Variants in SDK1 observed in about 807,000 individuals in gnomAD.
The protein encoded by SDK1 is sidekick cell adhesion molecule 1.
A neutral mutation model predicts 245.5 loss-of-function variants in SDK1; 157 were observed. The observed-to-expected ratio is 0.64, with a 90% CI of 0.56 to 0.73. SDK1 has a LOEUF of 0.73. Among genes scored for constraint, SDK1 ranks in the 30% least tolerant of loss-of-function variants. The pLI is 0.00. For missense variants in SDK1, 3,583 were observed against 3,002.3 expected, an observed-to-expected ratio of 1.19 and a Z score of -4.52; for synonymous variants, 1,647 against 1,278.5, an observed-to-expected ratio of 1.29 and a Z score of -6.15.
chr7:3,861,808 G>GA (rs919668942), intron 5 of SDK1, among the ~76,000 whole-genome samples: 1 of 152,014 alleles, frequency 6.6e-6, no homozygotes, highest in Non-Finnish European at 1.5e-5. Flanking sequence ...AACCTAAGTT[G>GA]AAAAAAGAAA....
intron 1 of SDK1, among the ~76,000 whole-genome samples, chr7:3,591,475 T>C (rs1780873220): frequency 6.6e-6 from 1 of 152,288 alleles, no homozygotes; most frequent in Non-Finnish European, 1.5e-5. Context: ...GTTTCGGCTT[T>C]GGCCACGTTG....
At chr7:3,757,844 C>G (rs554922598) in intron 4 of SDK1, among the ~76,000 whole-genome samples, 1 of 152,250 alleles carries the variant, frequency 6.6e-6, no homozygotes, top group South Asian at 2.1e-4. Context: ...GGGAGTGGGG[C>G]TGAAAGTTCC....
At chr7:4,227,387 A>C in intron 40 of SDK1, 1 of 471,110 alleles carries the variant, frequency 2.1e-6, no homozygotes, top group Non-Finnish European at 4.4e-6. Context: ...CATGCAATGC[A>C]TTTTGCCTCC....
At chr7:3,972,190 C>T (rs1290240369) in intron 12 of SDK1, among the ~76,000 whole-genome samples, 1 of 151,590 alleles carries the variant, frequency 6.6e-6, no homozygotes, top group East Asian at 1.9e-4. Flanking sequence ...CACCATTGTC[C>T]TGCCTCAGCC....
At chr7:3,431,564 ATTGTAC>A (rs1291463459) in intron 1 of SDK1, among the ~76,000 whole-genome samples, 1 of 152,078 alleles carries the variant, frequency 6.6e-6, no homozygotes, top group East Asian at 1.9e-4. Context: ...TTTTTTTAGT[ATTGTAC>A]TTGTAAAGAC....
intron 1 of SDK1, among the ~76,000 whole-genome samples, chr7:3,477,605 CTTGGGCTTAAGGGATTCT>C (rs1781388416): frequency 6.6e-6 from 1 of 151,418 alleles, no homozygotes; most frequent in African/African-American, 2.4e-5. Flanking sequence ...ACCTCAAACT[CTTGGGCTTAAGGGATTCT>C]CCTGCCTCAG....
intron 1 of SDK1, among the ~76,000 whole-genome samples, chr7:3,418,576 G>T (rs554394108): frequency 2.5e-4 from 38 of 152,084 alleles, no homozygotes; most frequent in Non-Finnish European, 3.8e-4. Context: ...TTGAAACATA[G>T]CCTTAAATGA....
At chr7:4,257,456 TA>T (rs1787704874) in intron 44 of SDK1, among the ~76,000 whole-genome samples, 1 of 152,056 alleles carries the variant, frequency 6.6e-6, no homozygotes, top group Non-Finnish European at 1.5e-5. Context: ...ACATCCCCAT[TA>T]AAAAATAATA....
chr7:3,443,803 G>T (rs971029603), intron 1 of SDK1, among the ~76,000 whole-genome samples: 3 of 152,164 alleles, frequency 2.0e-5, no homozygotes, highest in African/African-American at 7.2e-5. Context: ...TCTTATAAAT[G>T]TATTGTCATC....
At chr7:3,975,869 T>TGCGGGGGTCCTGGTGCTG (rs1782890848) in intron 13 of SDK1, among the ~76,000 whole-genome samples, 1 of 151,870 alleles carries the variant, frequency 6.6e-6, no homozygotes. Context: ...GCGGCAGTGG[T>TGCGGGGGTCCTGGTGCTG]GCGGGGGTCC....
At chr7:3,675,563 G>C (rs200599501) in intron 4 of SDK1, among the ~76,000 whole-genome samples, 1 of 13,424 alleles carries the variant, frequency 7.4e-5, no homozygotes, top group Admixed American at 7.0e-4. Context: ...ACTCCTTTTT[G>C]TTTGTTTGTT....
chr7:3,548,467 G>C (rs1041414940), intron 1 of SDK1, among the ~76,000 whole-genome samples: 7 of 152,144 alleles, frequency 4.6e-5, no homozygotes, highest in African/African-American at 1.7e-4. Flanking sequence ...CCAAAGATGA[G>C]AGGAGAGAAA....
At chr7:3,478,099 T>C (rs1781401355) in intron 1 of SDK1, among the ~76,000 whole-genome samples, 2 of 152,234 alleles carry the variant, frequency 1.3e-5, no homozygotes, top group Non-Finnish European at 1.5e-5. Flanking sequence ...TAAATCACTG[T>C]ATCAGTAAAA....
chr7:3,716,783 AG>A (rs1247503430), intron 4 of SDK1, among the ~76,000 whole-genome samples: 17 of 151,336 alleles, frequency 1.1e-4, no homozygotes, highest in Admixed American at 1.1e-3. Context: ...AAAAAAAAAA[AG>A]AAAAAGGAAA....
chr7:3,790,999 G>C (rs528373541), intron 4 of SDK1, among the ~76,000 whole-genome samples: 1 of 151,966 alleles, frequency 6.6e-6, no homozygotes, highest in African/African-American at 2.4e-5. Flanking sequence ...TGTGACCTTG[G>C]GCAAGTTACT....
At chr7:4,228,853 A>G (rs1785586910) in intron 40 of SDK1, among the ~76,000 whole-genome samples, 1 of 152,056 alleles carries the variant, frequency 6.6e-6, no homozygotes, top group East Asian at 1.9e-4. Context: ...TTTTCCTACA[A>G]CGGCAACACA....
intron 4 of SDK1, among the ~76,000 whole-genome samples, chr7:3,659,679 T>A (rs775115910): frequency 1.3e-5 from 2 of 152,186 alleles, no homozygotes; most frequent in Non-Finnish European, 2.9e-5. Context: ...GGCCATGATC[T>A]GATTGGCTTT....
intron 4 of SDK1, among the ~76,000 whole-genome samples, chr7:3,656,394 A>C (rs1015876742): frequency 3.9e-5 from 6 of 152,194 alleles, no homozygotes; most frequent in African/African-American, 1.4e-4. Flanking sequence ...CCCCAAACAC[A>C]GGTCATTTGT....
At chr7:3,517,089 A>G (rs1782779107) in intron 1 of SDK1, among the ~76,000 whole-genome samples, 1 of 152,202 alleles carries the variant, frequency 6.6e-6, no homozygotes, top group Non-Finnish European at 1.5e-5. Flanking sequence ...TCATAAATGT[A>G]TGAAAATCAT....
Sources: allele counts gnomAD v4.1 joint callset (sites outside exome capture counted in the v4.1 genomes callset), GRCh38; gene constraint gnomAD v4.1.1; transcripts MANE v1.5; gene names NCBI Gene and HGNC (gene_info 2026-07-23, HGNC 2026-07-21).